CPSF6: variants seen among roughly 807,000 people sequenced by gnomAD.
CPSF6 encodes cleavage and polyadenylation specificity factor subunit 6.
In CPSF6, 10 loss-of-function variants were observed where a neutral mutation model predicts 56.7. The observed-to-expected ratio is 0.18, with a 90% CI of 0.11 to 0.30. The LOEUF is 0.30. Among genes scored for constraint, CPSF6 ranks in the 10% least tolerant of loss-of-function variants. The pLI is 1.00. For missense variants in CPSF6, 419 were observed against 722.9 expected (o/e 0.58, Z 4.82); for synonymous variants, 248 against 244.8 (o/e 1.01, Z -0.12).
chr12:69,266,134 T>C (rs1872971581), intron 9 of CPSF6, among the ~76,000 whole-genome samples: 1 of 152,172 alleles, frequency 6.6e-6, no homozygotes, highest in African/African-American at 2.4e-5. Context: ...TAAATTCTCT[T>C]AATTACCTGG....
chr12:69,260,755 A>G (rs371735345), intron 8 of CPSF6, among the ~76,000 whole-genome samples: 4 of 152,160 alleles, frequency 2.6e-5, no homozygotes, highest in Non-Finnish European at 2.9e-5. Flanking sequence ...GAATGATGGC[A>G]GGGGATTTAT....
At position 69,249,152 on chromosome 12, in the gene CPSF6, C is replaced by CGGTGGGGGGGG. The variant is rs1491257320; in HGVS notation, c.61-1975_61-1974insTGGGGGGGGGG. ...GCGGGCGCCTGTAGTCCCAGCTACT[C>CGGTGGGGGGGG]GGGGGGGGGGGGGGGGGCTGAGGCA... On this transcript the variant is annotated intron_variant, in intron 1 of 9. Coordinates refer to ENST00000435070, the MANE Select transcript of CPSF6 (RefSeq NM_007007.3). 7.2e-4 allele frequency among the ~76,000 whole-genome samples: 12 copies of CGGTGGGGGGGG among 16,586 alleles called. 2 individuals carry two copies. The highest frequency in any genetic ancestry group is 4.2e-3 in the East Asian group (2 of 478). The allele number at this position is 16,586 out of a possible 152,430, so 10.9% of individuals were successfully genotyped here.
chr12:69,246,158 C>G (rs1204036274), intron 1 of CPSF6, among the ~76,000 whole-genome samples: 1 of 152,154 alleles, frequency 6.6e-6, no homozygotes, highest in Non-Finnish European at 1.5e-5. Context: ...AAAGAATTCA[C>G]TTAGGAGTTA....
In CPSF6 at chr12:69,262,437, C is replaced by T; in HGVS notation, c.1534C>T (p.Arg512Cys). 2 of 1,613,484 alleles carry T rather than the reference C, an allele frequency of 1.2e-6. No homozygotes were observed. Among genetic ancestry groups the T allele is most frequent in the Non-Finnish European group, 1.7e-6 (2 of 1,179,626 alleles). Residue 512 changes from arginine to cysteine, a missense_variant, in exon 9 of 10, where the codon CGT becomes TGT. Arg to Cys is a radical substitution (Grantham distance 180, BLOSUM62 -3). Transcript: ENST00000435070. ...SREKSRRHKS[R>C]SRDRHDDYYR... ...AGAAAAGAGTCGACGTCATAAATCC[C>T]GTAGTAGAGACCGTCATGACGATTA...
At position 69,262,680 on chromosome 12, in the gene CPSF6, T is replaced by G. The variant is rs914309991; in HGVS notation, c.*3+118T>G. On this transcript the variant is annotated intron_variant, in intron 9 of 9. Coordinates refer to ENST00000435070, the MANE Select transcript of CPSF6 (RefSeq NM_007007.3). ...TTAAATGGTCCAACTACTTGTGAAT[T>G]TAATCTTCTGGAAACATCTGAAACA... 10 of 1,193,366 alleles carry G rather than the reference T, an allele frequency of 8.4e-6. No individual in the cohort carries two copies. The African/African-American group carries it at 1.2e-4, about 15-fold the overall frequency. 73.9% of individuals were successfully genotyped at this position (1,193,366 alleles called of 1,614,324 possible).
rs564656432 is a variant in CPSF6 at position 69,270,401 on chromosome 12, A to G, written c.*893A>G. ...GATGTACCGAAACACTTAATTGTGA[A>G]CCGCTAACATTGAAGAAATTTTGAC... On this transcript the variant is annotated 3_prime_UTR_variant, in exon 10 of 10. Coordinates refer to ENST00000435070, the MANE Select transcript of CPSF6 (RefSeq NM_007007.3). 2.0e-5 allele frequency: 3 copies of G among 152,310 alleles called. No homozygotes were observed. Among genetic ancestry groups the G allele is most frequent in the South Asian group, 2.1e-4 (1 of 4,822 alleles). The allele number at this position is 152,310 out of a possible 1,614,324, so 9.4% of individuals were successfully genotyped here.
intron 1 of CPSF6, among the ~76,000 whole-genome samples, chr12:69,247,516 G>GT (rs1050310159): frequency 6.6e-6 from 1 of 151,854 alleles, no homozygotes; most frequent in Non-Finnish European, 1.5e-5. Flanking sequence ...ATATTTTCTT[G>GT]TTTTTTGAAT....
intron 1 of CPSF6, among the ~76,000 whole-genome samples, chr12:69,248,816 T>G (rs574935706): frequency 1.3e-5 from 2 of 152,150 alleles, no homozygotes; most frequent in African/African-American, 4.8e-5. Context: ...AAAATTGGTA[T>G]GTAAAGATTC....
chr12:69,272,154 T>TG lies in CPSF6; in HGVS notation c.*2647dup, dbSNP rs1420718876. The TG allele has an allele frequency of 1.7e-3, 140 of 83,694 alleles. No homozygotes were observed. The highest frequency in any genetic ancestry group is 4.0e-3 in the Admixed American group (31 of 7,826). 5.2% of individuals were successfully genotyped at this position (83,694 alleles called of 1,614,324 possible). A position where few individuals can be genotyped will look rare whatever the true frequency, so the allele number is the denominator to read the frequency against. On this transcript the variant is annotated 3_prime_UTR_variant, in exon 10 of 10. Coordinates refer to ENST00000435070, the MANE Select transcript of CPSF6 (RefSeq NM_007007.3). ...ATTCCAGTGTAAATTTGCAGATGTG[T>TG]GTTTTTTTTTTTTGTCACTTTTCAT...
At chr12:69,251,107 G>T in intron 1 of CPSF6, 22 bp from the exon 2 acceptor site, 2 of 1,599,560 alleles carry the variant, frequency 1.3e-6, no homozygotes, top group Non-Finnish European at 1.7e-6. Context: ...GTATAATCTA[G>T]AGCATTATTT....
At position 69,256,692 on chromosome 12, in the gene CPSF6, T is replaced by C. The variant is rs1367800186; in HGVS notation, c.375-5T>C. 3 of 1,607,928 alleles carry C rather than the reference T, an allele frequency of 1.9e-6. No individual in the cohort carries two copies. In the South Asian group the frequency reaches 3.3e-5, roughly 18 times the overall value. ...TTGTATCCTCACCCCTTAAACACTT[T>C]TTAGGTTTGCCCTTGTTGGTGTTGG... is the stretch of plus-strand genomic sequence containing the variant. On this transcript the variant is annotated splice_polypyrimidine_tract_variant and splice_region_variant and intron_variant, in intron 3 of 9. Coordinates refer to ENST00000435070, the MANE Select transcript of CPSF6 (RefSeq NM_007007.3).
In CPSF6 at chr12:69,271,949, A is replaced by G. The variant is rs2120671350; in HGVS notation, c.*2441A>G. The G allele has an allele frequency of 1.3e-5, 2 of 151,856 alleles. No individual in the cohort carries two copies. The highest frequency in any genetic ancestry group is 4.1e-4 in the South Asian group (2 of 4,828). The allele number at this position is 151,856 out of a possible 1,614,324, so 9.4% of individuals were successfully genotyped here. A position where few individuals can be genotyped will look rare whatever the true frequency, so the allele number is the denominator to read the frequency against. The stretch of plus-strand genomic sequence containing the variant: ...TAGTTAATAACTGTAGTGGATGTGA[A>G]AACAAACGAGTTGAATTTTAAAACA... On this transcript the variant is annotated 3_prime_UTR_variant, in exon 10 of 10. Coordinates refer to ENST00000435070, the MANE Select transcript of CPSF6 (RefSeq NM_007007.3).
At chr12:69,268,403 A>G (rs1565651982) in intron 9 of CPSF6, among the ~76,000 whole-genome samples, 1 of 151,754 alleles carries the variant, frequency 6.6e-6, no homozygotes, top group Admixed American at 6.6e-5. Context: ...GTGAATGCAT[A>G]TATGTACTGA....
At position 69,273,183 on chromosome 12, in the gene CPSF6, G is replaced by A. The variant is rs1443993014; in HGVS notation, c.*3675G>A. Reference sequence around the variant, plus strand: ...GAAGTTCTTATACTCTTCTTTCTTGGCATTAGAAAGAAGCAATATGAATTT... The same window carrying A: ...GAAGTTCTTATACTCTTCTTTCTTGACATTAGAAAGAAGCAATATGAATTT... On this transcript the variant is annotated 3_prime_UTR_variant, in exon 10 of 10. Coordinates refer to ENST00000435070, the MANE Select transcript of CPSF6 (RefSeq NM_007007.3). The A allele has an allele frequency of 3.9e-6, 2 of 514,942 alleles. No individual in the cohort carries two copies. Among genetic ancestry groups the A allele is most frequent in the Non-Finnish European group, 7.9e-6 (2 of 251,932 alleles). 31.9% of individuals were successfully genotyped at this position (514,942 alleles called of 1,614,324 possible).
chr12:69,249,066 C>G (rs1466133207), intron 1 of CPSF6, among the ~76,000 whole-genome samples: 2 of 149,948 alleles, frequency 1.3e-5, no homozygotes, highest in Admixed American at 6.7e-5. Flanking sequence ...CTAACCCATC[C>G]TGCCTAACAC....
At chr12:69,261,949 T>C (rs907671474) in intron 8 of CPSF6, among the ~76,000 whole-genome samples, 3 of 152,226 alleles carry the variant, frequency 2.0e-5, no homozygotes, top group African/African-American at 7.2e-5. Flanking sequence ...TAAGAGGTTG[T>C]CATATTCATG....
In CPSF6 at chr12:69,273,511, G is replaced by T. The variant is rs1873351868; in HGVS notation, c.*4003G>T. 6.5e-6 allele frequency: 1 copy of T among 154,686 alleles called. No individual in the cohort carries two copies. The highest frequency in any genetic ancestry group is 1.9e-4 in the East Asian group (1 of 5,254). The allele number at this position is 154,686 out of a possible 1,614,324, so 9.6% of individuals were successfully genotyped here. On this transcript the variant is annotated 3_prime_UTR_variant, in exon 10 of 10. Coordinates refer to ENST00000435070, the MANE Select transcript of CPSF6 (RefSeq NM_007007.3). ...ACTACCAAGAGTTTTTTTCACGTGGGAGTATCCTAAAACTCTGCCATGGGT... is the reference window on the plus strand; with the variant it reads ...ACTACCAAGAGTTTTTTTCACGTGGTAGTATCCTAAAACTCTGCCATGGGT...
intron 1 of CPSF6, among the ~76,000 whole-genome samples, chr12:69,242,032 A>C (rs1057042299): frequency 2.6e-5 from 4 of 152,108 alleles, no homozygotes; most frequent in Non-Finnish European, 2.9e-5. Context: ...ATCTTACCAG[A>C]ATTAGAGGCA....
In CPSF6 at chr12:69,274,108, A is replaced by ATTTT. The variant is rs1873390076; in HGVS notation, c.*4600_*4601insTTTT. 2 of 45,580 alleles carry ATTTT rather than the reference A, an allele frequency of 4.4e-5. No individual in the cohort carries two copies. The highest frequency in any genetic ancestry group is 2.3e-4 in the African/African-American group (2 of 8,858). 2.8% of individuals were successfully genotyped at this position (45,580 alleles called of 1,614,324 possible). On this transcript the variant is annotated 3_prime_UTR_variant, in exon 10 of 10. Transcript: ENST00000435070. ...GGTAAGGTGATAATTGATCTAATAG[A>ATTTT]CTTTTTTTTTTTTTTTTTTGCTGTC...
Sources: gnomAD v4.1 joint callset for allele counts (sites outside exome capture counted in the v4.1 genomes callset) on GRCh38, gnomAD v4.1.1 for gene constraint, MANE v1.5 for transcripts, NCBI Gene and HGNC (gene_info 2026-07-23, HGNC 2026-07-21) for gene names.